Variants in PLD1 observed in about 807,000 individuals in gnomAD.
The protein encoded by PLD1 is choline phosphatase 1.
Under a neutral mutation model 137.1 loss-of-function variants are expected in PLD1, and 112 were observed. The ratio of observed to expected loss-of-function variants is 0.82; its 90% CI spans 0.70 to 0.96. PLD1 has a LOEUF of 0.96. PLD1 is among the 40% of genes least tolerant of loss of function. The pLI, the probability that PLD1 is intolerant of heterozygous loss-of-function variation, is 0.00. For missense variants in PLD1, 1,321 were observed against 1,342.0 expected (o/e 0.98, Z 0.24); for synonymous variants, 431 against 454.7 (o/e 0.95, Z 0.66).
intron 24 of PLD1, among the ~76,000 whole-genome samples, chr3:171,616,484 G>A (rs1242456478): frequency 1.3e-5 from 2 of 152,316 alleles, no homozygotes; most frequent in South Asian, 4.1e-4. Flanking sequence ...AATTAAGGTT[G>A]CTAATCAGCT....
intron 23 of PLD1, among the ~76,000 whole-genome samples, chr3:171,635,427 T>TTTATTATTA (rs138861146): frequency 6.6e-6 from 1 of 151,542 alleles, no homozygotes; most frequent in Non-Finnish European, 1.5e-5. Flanking sequence ...TTGCCAATAC[T>TTTATTATTA]TTATTATTAT....
chr3:171,627,121 G>C (rs377232346), intron 23 of PLD1, among the ~76,000 whole-genome samples: 63 of 152,208 alleles, frequency 4.1e-4, no homozygotes, highest in African/African-American at 1.5e-3. Context: ...CCCATCTCAC[G>C]TGCAGAGACA....
At chr3:171,645,519 C>T (rs1736129117) in intron 21 of PLD1, among the ~76,000 whole-genome samples, 1 of 152,144 alleles carries the variant, frequency 6.6e-6, no homozygotes, top group Non-Finnish European at 1.5e-5. Context: ...TTTTCCAAAA[C>T]AGAAGTCATC....
Position 171,601,120 on chromosome 3 carries a change from A to G in PLD1, c.*1958T>C, listed in dbSNP as rs1731804849. 6.6e-6 allele frequency: 1 copy of G among 152,088 alleles called. No homozygotes were observed. The highest frequency in any genetic ancestry group is 6.5e-5 in the Admixed American group (1 of 15,268). The allele number at this position is 152,088 out of a possible 1,614,324, so 9.4% of individuals were successfully genotyped here. On this transcript the variant is annotated 3_prime_UTR_variant, in exon 27 of 27. Coordinates refer to ENST00000351298, the MANE Select transcript of PLD1 (RefSeq NM_002662.5). ...AAGAGAGAGGCCAACAATGGGCTGC[A>G]GCAATGTTGCTAGTCCCAGCTCTAC...
At chr3:171,800,177 A>G (rs74420790) in intron 1 of PLD1, among the ~76,000 whole-genome samples, 4,243 of 152,250 alleles carry the variant, frequency 0.028, 119 homozygotes, top group African/African-American at 0.072. Context: ...CTTTTCTGCA[A>G]ATCTAAAACA....
intron 21 of PLD1, among the ~76,000 whole-genome samples, chr3:171,654,737 G>T (rs1737050887): frequency 6.6e-6 from 1 of 152,098 alleles, no homozygotes; most frequent in Non-Finnish European, 1.5e-5. Flanking sequence ...GTTTCAAGTG[G>T]GTTGGGCAGC....
intron 1 of PLD1, chr3:171,793,034 C>CGG: frequency 4.1e-6 from 1 of 241,526 alleles, no homozygotes; most frequent in South Asian, 4.8e-5. Context: ...CGTGGGAACA[C>CGG]AAACCAGTGA....
intron 6 of PLD1, among the ~76,000 whole-genome samples, chr3:171,730,623 C>A (rs1051134135): frequency 6.7e-6 from 1 of 149,072 alleles, no homozygotes; most frequent in African/African-American, 2.5e-5. Flanking sequence ...TATACAAACA[C>A]CTTTATAATA....
chr3:171,635,646 T>A (rs1396673422), intron 23 of PLD1, among the ~76,000 whole-genome samples: 1 of 152,142 alleles, frequency 6.6e-6, no homozygotes, highest in African/African-American at 2.4e-5. Context: ...ATTGTAGGAA[T>A]TCTTTACATA....
chr3:171,670,480 A>C (rs1560199539), intron 19 of PLD1, among the ~76,000 whole-genome samples: 1 of 152,346 alleles, frequency 6.6e-6, no homozygotes, highest in East Asian at 1.9e-4. Context: ...GAAGGGAGCA[A>C]TTCATTCCCT....
At chr3:171,800,724 C>T (rs1323556198) in intron 1 of PLD1, among the ~76,000 whole-genome samples, 3 of 152,160 alleles carry the variant, frequency 2.0e-5, no homozygotes, top group African/African-American at 7.2e-5. Context: ...ACTTACTTCT[C>T]ACAGTTCTGG....
chr3:171,628,917 C>G (rs1288680879), intron 23 of PLD1, among the ~76,000 whole-genome samples: 1 of 150,178 alleles, frequency 6.7e-6, no homozygotes, highest in Admixed American at 6.6e-5. Flanking sequence ...ACTGAATGGG[C>G]AAAAACTGGA....
intron 16 of PLD1, 33 bp downstream of exon 16, chr3:171,686,652 T>G (rs1218318480): frequency 1.8e-6 from 2 of 1,102,932 alleles, no homozygotes; most frequent in African/African-American, 3.1e-5. Context: ...AGCTCAAGCC[T>G]AAGGGAGTTC....
intron 1 of PLD1, among the ~76,000 whole-genome samples, chr3:171,754,608 A>G (rs1302667236): frequency 6.6e-6 from 1 of 152,216 alleles, no homozygotes; most frequent in Non-Finnish European, 1.5e-5. Context: ...CCTTGTGTCT[A>G]ACCAAACTAC....
Position 171,674,217 on chromosome 3 carries a change from A to T in PLD1, c.2229+283T>A, listed in dbSNP as rs80133394. On this transcript the variant is annotated intron_variant, in intron 19 of 26. Coordinates refer to ENST00000351298, the MANE Select transcript of PLD1 (RefSeq NM_002662.5). ...AGTATCAGGTCCAGGTTTACTGGGT[A>T]TCATGTTGCTAGGGTCACTTCAGAA... Among the ~76,000 whole-genome samples the T allele has an allele frequency of 3.9e-3, 599 of 152,344 alleles. 4 individuals carry two copies. The highest frequency in any genetic ancestry group is 0.014 in the African/African-American group (564 of 41,584).
chr3:171,641,292 T>C (rs1735719164), intron 23 of PLD1, among the ~76,000 whole-genome samples: 1 of 152,228 alleles, frequency 6.6e-6, no homozygotes, highest in Non-Finnish European at 1.5e-5. Context: ...TACAAGCCTT[T>C]AGTTAATTTC....
At chr3:171,659,614 A>G (rs1737503359) in intron 20 of PLD1, among the ~76,000 whole-genome samples, 2 of 152,214 alleles carry the variant, frequency 1.3e-5, no homozygotes, top group Non-Finnish European at 2.9e-5. Flanking sequence ...CTGCAAATTT[A>G]ATCAATGGGG....
chr3:171,773,535 G>A (rs957536785), intron 1 of PLD1, among the ~76,000 whole-genome samples: 9 of 152,052 alleles, frequency 5.9e-5, no homozygotes, highest in Admixed American at 5.2e-4. Flanking sequence ...CCGGGAGGCG[G>A]AGGTTGCAGT....
At chr3:171,619,158 T>A (rs1285130680) in intron 24 of PLD1, among the ~76,000 whole-genome samples, 3 of 152,296 alleles carry the variant, frequency 2.0e-5, no homozygotes, top group Admixed American at 1.3e-4. Context: ...GGACACATCA[T>A]CTCTCTAAAT....
Sources: allele counts gnomAD v4.1 joint callset (sites outside exome capture counted in the v4.1 genomes callset), GRCh38; gene constraint gnomAD v4.1.1; transcripts MANE v1.5; gene names NCBI Gene and HGNC (gene_info 2026-07-23, HGNC 2026-07-21).